The following FHOD3 variants were observed in gnomAD, a reference collection of about 807,000 sequenced individuals.
FHOD3 encodes the protein FH1/FH2 domain-containing protein 3.
Under a neutral mutation model 173.0 loss-of-function variants are expected in FHOD3, and 90 were observed. That is an observed-to-expected ratio of 0.52 (90% CI 0.44 to 0.62). The LOEUF (loss-of-function observed/expected upper bound fraction) is 0.62, where lower values mean the gene tolerates loss of function less well. Among genes scored for constraint, FHOD3 ranks in the 20% least tolerant of loss-of-function variants. The probability of loss-of-function intolerance (pLI) is 0.00; values close to 1 mark genes in which losing one functional copy is unlikely to be tolerated. For missense variants in FHOD3, 1,945 were observed against 2,034.7 expected (o/e 0.96, Z 0.85); for synonymous variants, 828 against 823.0 (o/e 1.01, Z -0.10).
chr18:36,680,722 C>T (rs1252903149), intron 14 of FHOD3, among the ~76,000 whole-genome samples: 1 of 152,224 alleles, frequency 6.6e-6, no homozygotes, highest in African/African-American at 2.4e-5. Context: ...ATGCTGAGTC[C>T]TTGGATGCTT....
chr18:36,726,541 T>C lies in FHOD3; in HGVS notation c.3418-4105T>C, dbSNP rs73949880. On this transcript the variant is annotated intron_variant, in intron 19 of 28. Coordinates refer to ENST00000590592, the MANE Select transcript of FHOD3 (RefSeq NM_001281740.3). The stretch of plus-strand genomic sequence containing the variant: ...ATTTTCTAACCTTCACAAGGACCAC[T>C]CTTTCTTCTCTGACCTCTGCTTTAT... Among the ~76,000 whole-genome samples the C allele has an allele frequency of 3.1e-3, 473 of 152,328 alleles. 3 individuals are homozygous for C. The highest frequency in any genetic ancestry group is 0.011 in the African/African-American group (448 of 41,574).
At chr18:36,645,709 C>G (rs1256081932) in intron 10 of FHOD3, among the ~76,000 whole-genome samples, 1 of 152,012 alleles carries the variant, frequency 6.6e-6, no homozygotes, top group East Asian at 1.9e-4. Flanking sequence ...GAAATAGAAT[C>G]TAGCTGTATA....
intron 5 of FHOD3, among the ~76,000 whole-genome samples, chr18:36,575,787 C>T (rs1165563374): frequency 2.0e-5 from 3 of 152,214 alleles, no homozygotes; most frequent in South Asian, 4.1e-4. Flanking sequence ...AAAAACATAG[C>T]TAGTGTTTTC....
intron 3 of FHOD3, among the ~76,000 whole-genome samples, chr18:36,494,526 G>A (rs995650183): frequency 5.3e-5 from 8 of 152,118 alleles, no homozygotes; most frequent in Non-Finnish European, 7.4e-5. Context: ...ATTTGGAAGC[G>A]GTGGGAGAAA....
intron 5 of FHOD3, among the ~76,000 whole-genome samples, chr18:36,525,804 G>A (rs2146699665): frequency 6.6e-6 from 1 of 152,242 alleles, no homozygotes; most frequent in East Asian, 1.9e-4. Flanking sequence ...CCTCTCATGT[G>A]GGTCTCCCAA....
At chr18:36,414,845 CAA>C (rs938760347) in intron 3 of FHOD3, among the ~76,000 whole-genome samples, 4 of 152,178 alleles carry the variant, frequency 2.6e-5, no homozygotes, top group African/African-American at 9.7e-5. Flanking sequence ...TTGAAGCTGT[CAA>C]GAGATCACTT....
chr18:36,380,572 CTTTTCTTTT>C (rs2047711213), intron 3 of FHOD3, among the ~76,000 whole-genome samples: 1 of 119,014 alleles, frequency 8.4e-6, no homozygotes, highest in African/African-American at 3.2e-5. Flanking sequence ...CTTTTCTTTT[CTTTTCTTTT>C]CCTTTCCTTT....
At chr18:36,695,033 G>A (rs2039192753) in intron 17 of FHOD3, among the ~76,000 whole-genome samples, 1 of 151,714 alleles carries the variant, frequency 6.6e-6, no homozygotes, top group African/African-American at 2.4e-5. Flanking sequence ...GGGAAGATAT[G>A]TCAGTATGCT....
chr18:36,386,327 G>A (rs898976170), intron 3 of FHOD3, among the ~76,000 whole-genome samples: 1 of 152,148 alleles, frequency 6.6e-6, no homozygotes, highest in Non-Finnish European at 1.5e-5. Flanking sequence ...TGCTGGGGTT[G>A]GCAAGGGTGA....
chr18:36,671,019 A>G lies in FHOD3; in HGVS notation c.1836-10417A>G, dbSNP rs567383545. Among the ~76,000 whole-genome samples the G allele has an allele frequency of 6.6e-5, 10 of 152,388 alleles. No individual in the cohort carries two copies. The South Asian group carries it at 1.0e-3, about 16-fold the overall frequency. On this transcript the variant is annotated intron_variant, in intron 14 of 28. Transcript: ENST00000590592. ...GAACAGGCAGTACTCTCTGCCTTAT[A>G]TAATTTCCAGACACTGTTTGCTCTA... is the stretch of plus-strand genomic sequence containing the variant.
rs372752350 is a variant in FHOD3 at position 36,390,800 on chromosome 18, C to A, written c.337+18056C>A. Among the ~76,000 whole-genome samples the A allele has an allele frequency of 6.6e-5, 10 of 152,256 alleles. No homozygotes were observed. In the East Asian group the frequency reaches 1.5e-3, roughly 24 times the overall value. On this transcript the variant is annotated intron_variant, in intron 3 of 28. Transcript: ENST00000590592. The stretch of plus-strand genomic sequence containing the variant: ...GTTACGCCTGGAGTGATTCTCCACT[C>A]CCTTGAAGGGGAAGTAGGAAGTTAT...
intron 15 of FHOD3, among the ~76,000 whole-genome samples, chr18:36,686,227 G>T (rs149924081): frequency 6.2e-4 from 95 of 152,074 alleles, no homozygotes; most frequent in African/African-American, 2.2e-3. Context: ...TGATAGACTG[G>T]ATAAAGAAAA....
intron 5 of FHOD3, among the ~76,000 whole-genome samples, chr18:36,549,532 CTTTTTTTTT>C (rs386387404): frequency 9.8e-5 from 7 of 71,234 alleles, no homozygotes; most frequent in African/African-American, 4.0e-4. Context: ...TCTAAGAAAT[CTTTTTTTTT>C]TTTTTTTTTT....
intron 5 of FHOD3, among the ~76,000 whole-genome samples, chr18:36,561,057 T>C (rs533282340): frequency 6.6e-6 from 1 of 152,310 alleles, no homozygotes; most frequent in African/African-American, 2.4e-5. Context: ...ATTTGTGATA[T>C]CTAAGATGTT....
chr18:36,731,926 C>T (rs908512363), intron 20 of FHOD3, among the ~76,000 whole-genome samples: 4 of 152,224 alleles, frequency 2.6e-5, no homozygotes, highest in African/African-American at 9.6e-5. Flanking sequence ...CCCCCAAATT[C>T]ATGCCCACCC....
At chr18:36,417,163 C>A (rs976288830) in intron 3 of FHOD3, among the ~76,000 whole-genome samples, 1 of 152,132 alleles carries the variant, frequency 6.6e-6, no homozygotes, top group Non-Finnish European at 1.5e-5. Flanking sequence ...TATTTCATCA[C>A]CCAGGTATTA....
intron 1 of FHOD3, among the ~76,000 whole-genome samples, chr18:36,304,950 C>T (rs1456558790): frequency 6.6e-6 from 1 of 152,198 alleles, no homozygotes; most frequent in Non-Finnish European, 1.5e-5. Flanking sequence ...CGTCCGCCTT[C>T]AGTATGCCTC....
chr18:36,480,827 C>G (rs1318561280), intron 3 of FHOD3, among the ~76,000 whole-genome samples: 1 of 152,194 alleles, frequency 6.6e-6, no homozygotes, highest in African/African-American at 2.4e-5. Context: ...GGTTCATCAC[C>G]ACATCATGAG....
chr18:36,726,900 C>G (rs2041103852), intron 19 of FHOD3, among the ~76,000 whole-genome samples: 1 of 152,204 alleles, frequency 6.6e-6, no homozygotes, highest in Admixed American at 6.5e-5. Context: ...GCCTCGATCT[C>G]TTGACCTCGT....
Sources: gnomAD v4.1 joint callset for allele counts (sites outside exome capture counted in the v4.1 genomes callset) on GRCh38, gnomAD v4.1.1 for gene constraint, MANE v1.5 for transcripts, NCBI Gene and HGNC (gene_info 2026-07-23, HGNC 2026-07-21) for gene names.